Variants in IKZF3 observed in about 807,000 individuals in gnomAD.
The protein encoded by IKZF3 is zinc finger protein Aiolos.
IKZF3 carries 10 observed loss-of-function variants against 49.0 expected under a neutral mutation model. The ratio of observed to expected loss-of-function variants is 0.20; its 90% confidence interval spans 0.13 to 0.35. IKZF3 has a LOEUF of 0.35. IKZF3 is among the 10% of genes least tolerant of loss of function. IKZF3 has a pLI of 1.00. For synonymous variants in IKZF3, 209 were observed against 228.2 expected, an observed-to-expected ratio of 0.92 and a Z score of 0.76; for missense variants, 498 against 664.8, an observed-to-expected ratio of 0.75 and a Z score of 2.76.
rs1165811444 is a variant in IKZF3, at chr17:39,764,276, C to CAACA, written c.*1510_*1513dup. On this transcript the variant is annotated 3_prime_UTR_variant, in exon 8 of 8. Coordinates refer to ENST00000346872, the MANE Select transcript of IKZF3 (RefSeq NM_012481.5). ...CCCAGGAGTTCAAGACCAGCATGGGCAACATAGTGAGACCCCTATCTCTAC... is the reference window on the plus strand; with the variant it reads ...CCCAGGAGTTCAAGACCAGCATGGGCAACAAACATAGTGAGACCCCTATCTCTAC... 1 of 152,104 alleles carries CAACA rather than the reference C, an allele frequency of 6.6e-6. No individual in the cohort carries two copies. Among genetic ancestry groups the CAACA allele is most frequent in the East Asian group, 1.9e-4 (1 of 5,150 alleles). 9.4% of individuals were successfully genotyped at this position (152,104 alleles called of 1,614,324 possible).
At chr17:39,799,384 A>G (rs566548029) in intron 3 of IKZF3, among the ~76,000 whole-genome samples, 1 of 152,318 alleles carries the variant, frequency 6.6e-6, no homozygotes, top group East Asian at 1.9e-4. Flanking sequence ...AAAACTTTCA[A>G]TGATTTCATT....
At chr17:39,864,062 C>T in intron 1 of IKZF3, 58 bp downstream of exon 1, 7 of 1,605,884 alleles carry the variant, frequency 4.4e-6, no homozygotes, top group Non-Finnish European at 6.0e-6. Flanking sequence ...CTTTCTACTG[C>T]TTGCACAGGT....
At chr17:39,799,902 T>C (rs1020819844) in intron 3 of IKZF3, among the ~76,000 whole-genome samples, 1 of 152,244 alleles carries the variant, frequency 6.6e-6, no homozygotes, top group Non-Finnish European at 1.5e-5. Context: ...TAGTATGATA[T>C]AATTACATTG....
rs974762393 is a variant in IKZF3 at position 39,764,290 on chromosome 17, C to A, written c.*1500G>T. 6.6e-6 allele frequency: 1 copy of A among 151,818 alleles called. No homozygotes were observed. Among genetic ancestry groups the A allele is most frequent in the Non-Finnish European group, 1.5e-5 (1 of 68,018 alleles). The allele number at this position is 151,818 out of a possible 1,614,324, so 9.4% of individuals were successfully genotyped here. On this transcript the variant is annotated 3_prime_UTR_variant, in exon 8 of 8. Coordinates refer to ENST00000346872, the MANE Select transcript of IKZF3 (RefSeq NM_012481.5). ...ACCAGCATGGGCAACATAGTGAGACCCCTATCTCTACAAAAAGAACAAAAT... is the reference window on the plus strand; with the variant it reads ...ACCAGCATGGGCAACATAGTGAGACACCTATCTCTACAAAAAGAACAAAAT...
intron 6 of IKZF3, among the ~76,000 whole-genome samples, chr17:39,779,271 A>T (rs1235203215): frequency 1.3e-5 from 2 of 151,840 alleles, no homozygotes; most frequent in Non-Finnish European, 2.9e-5. Flanking sequence ...GACCAGCCTG[A>T]CCAACATGGA....
chr17:39,790,764 T>G (rs1005336279), intron 5 of IKZF3, among the ~76,000 whole-genome samples: 4 of 151,996 alleles, frequency 2.6e-5, no homozygotes, highest in African/African-American at 9.7e-5. Context: ...AGATTTAAAA[T>G]AAGTAGGCTG....
At chr17:39,802,154 G>A (rs902824534) in intron 3 of IKZF3, among the ~76,000 whole-genome samples, 7 of 148,158 alleles carry the variant, frequency 4.7e-5, no homozygotes, top group Admixed American at 2.7e-4. Flanking sequence ...CCCGGGAGGC[G>A]GAGCTTGCAG....
chr17:39,820,486 T>C (rs76729348), intron 3 of IKZF3, among the ~76,000 whole-genome samples: 4 of 152,216 alleles, frequency 2.6e-5, no homozygotes, highest in Non-Finnish European at 2.9e-5. Flanking sequence ...TTCTTTCTAT[T>C]TCAATGAACT....
At chr17:39,796,147 C>A (rs1319421577) in intron 3 of IKZF3, among the ~76,000 whole-genome samples, 1 of 152,050 alleles carries the variant, frequency 6.6e-6, no homozygotes, top group Non-Finnish European at 1.5e-5. Context: ...CCACCAAAAC[C>A]AGGAAAGGCA....
At position 39,765,897 on chromosome 17, in the gene IKZF3, C is replaced by T. The variant is rs2060275688; in HGVS notation, c.1423G>A (p.Gly475Ser). Residue 475 changes from glycine (G) to serine (S), a missense_variant, in exon 8 of 8, where the codon GGC becomes AGC. Coordinates refer to ENST00000346872, the MANE Select transcript of IKZF3 (RefSeq NM_012481.5). ...VMFTIHMGCH[G>S]FRDPFECNMC... ...TTACACTCGAAAGGGTCACGGAAGC[C>T]GTGGCAGCCCATGTGAATCGTGAAC... 2 of 1,614,236 alleles carry T rather than the reference C, an allele frequency of 1.2e-6. No homozygotes were observed. The highest frequency in any genetic ancestry group is 2.2e-5 in the East Asian group (1 of 44,894).
At chr17:39,811,010 C>T (rs1285948917) in intron 3 of IKZF3, among the ~76,000 whole-genome samples, 2 of 151,926 alleles carry the variant, frequency 1.3e-5, no homozygotes, top group Non-Finnish European at 2.9e-5. Context: ...GAGACCAAGG[C>T]GAGAAGATCA....
At chr17:39,824,836 C>G (rs2061913992) in intron 3 of IKZF3, among the ~76,000 whole-genome samples, 1 of 152,138 alleles carries the variant, frequency 6.6e-6, no homozygotes, top group African/African-American at 2.4e-5. Context: ...GCTGGGACTA[C>G]AGGTGCCCAC....
intron 6 of IKZF3, among the ~76,000 whole-genome samples, chr17:39,780,158 G>C (rs1279050295): frequency 6.6e-6 from 1 of 151,192 alleles, no homozygotes; most frequent in Non-Finnish European, 1.5e-5. Context: ...GAACTATTAA[G>C]GTAACTGCAA....
intron 1 of IKZF3, among the ~76,000 whole-genome samples, chr17:39,845,199 A>C (rs769443552): frequency 1.3e-5 from 2 of 152,208 alleles, no homozygotes; most frequent in Non-Finnish European, 2.9e-5. Context: ...AACATTTTAC[A>C]AAATTCAAAT....
intron 1 of IKZF3, among the ~76,000 whole-genome samples, chr17:39,849,310 GAAAAA>G (rs34404658): frequency 2.8e-5 from 1 of 35,996 alleles, no homozygotes; most frequent in African/African-American, 8.1e-5. Flanking sequence ...ATAGCACCTG[GAAAAA>G]AAAAAAAAAA....
At chr17:39,857,767 A>G (rs2063103185) in intron 1 of IKZF3, among the ~76,000 whole-genome samples, 1 of 152,168 alleles carries the variant, frequency 6.6e-6, no homozygotes, top group South Asian at 2.1e-4. Flanking sequence ...TTTATTAAAC[A>G]AATATGACTA....
chr17:39,769,134 T>C (rs1370275328), intron 7 of IKZF3, among the ~76,000 whole-genome samples: 3 of 152,262 alleles, frequency 2.0e-5, no homozygotes, highest in Non-Finnish European at 4.4e-5. Context: ...CATCCTACAT[T>C]TGGGGAAACA....
intron 1 of IKZF3, among the ~76,000 whole-genome samples, chr17:39,862,132 T>C (rs1367040899): frequency 2.6e-5 from 4 of 152,196 alleles, no homozygotes; most frequent in African/African-American, 7.2e-5. Flanking sequence ...TAAAAAGTTA[T>C]AGCTTCTGAT....
chr17:39,794,530 C>A (rs1466732791), intron 3 of IKZF3, among the ~76,000 whole-genome samples: 2 of 152,138 alleles, frequency 1.3e-5, no homozygotes, highest in African/African-American at 4.8e-5. Context: ...CTTAATAGAG[C>A]AAGACAGGGC....
Sources: allele counts gnomAD v4.1 joint callset (sites outside exome capture counted in the v4.1 genomes callset), GRCh38; gene constraint gnomAD v4.1.1; transcripts MANE v1.5; gene names NCBI Gene and HGNC (gene_info 2026-07-23, HGNC 2026-07-21).